ZNF407: variants seen among roughly 807,000 people sequenced by gnomAD.
The protein encoded by ZNF407 is zinc finger protein 407.
ZNF407 carries 17 observed loss-of-function variants against 131.2 expected under a neutral mutation model. The observed-to-expected ratio is 0.13, with a 90% CI of 0.09 to 0.19. The LOEUF (loss-of-function observed/expected upper bound fraction) is 0.19. Among genes scored for constraint, ZNF407 ranks in the 10% least tolerant of loss-of-function variants. ZNF407 has a pLI of 1.00. For missense variants in ZNF407, 2,681 were observed against 2,830.6 expected (o/e 0.95, Z 1.20); for synonymous variants, 1,156 against 1,062.0 (o/e 1.09, Z -1.72).
chr18:75,002,135 A>G (rs540924702), intron 8 of ZNF407, among the ~76,000 whole-genome samples: 5 of 151,968 alleles, frequency 3.3e-5, no homozygotes, highest in Non-Finnish European at 7.4e-5. Context: ...CCTTCTTCCC[A>G]TTTTTCTCCT....
chr18:75,065,322 A>G lies in ZNF407; in HGVS notation c.*854A>G, dbSNP rs951379039. ...TGCTTTTTATAACAAGGGTTTGTTC[A>G]TATTGATGCCATTTTTGCAGGATTT... On this transcript the variant is annotated 3_prime_UTR_variant, in exon 9 of 9. Coordinates refer to ENST00000299687, the MANE Select transcript of ZNF407 (RefSeq NM_017757.3). 6.6e-6 allele frequency: 1 copy of G among 152,202 alleles called. No homozygotes were observed. The highest frequency in any genetic ancestry group is 1.5e-5 in the Non-Finnish European group (1 of 68,034). The allele number at this position is 152,202 out of a possible 1,614,324, so 9.4% of individuals were successfully genotyped here. A position where few individuals can be genotyped will look rare whatever the true frequency, so the allele number is the denominator to read the frequency against.
intron 8 of ZNF407, among the ~76,000 whole-genome samples, chr18:75,001,173 G>A (rs1972841208): frequency 6.6e-6 from 1 of 152,248 alleles, no homozygotes; most frequent in African/African-American, 2.4e-5. Context: ...GCACAGACTG[G>A]GGAAAATGGG....
At chr18:74,915,321 AGTGTGTGTGTGTGT>A (rs5826357) in intron 7 of ZNF407, among the ~76,000 whole-genome samples, 7 of 133,180 alleles carry the variant, frequency 5.3e-5, no homozygotes, top group Middle Eastern at 4.0e-3. Flanking sequence ...TCGAATCGGG[AGTGTGTGTGTGTGT>A]GTGTGTGTGT....
At chr18:74,841,112 A>T (rs1017939956) in intron 4 of ZNF407, among the ~76,000 whole-genome samples, 2 of 152,206 alleles carry the variant, frequency 1.3e-5, no homozygotes, top group African/African-American at 4.8e-5. Context: ...CCCCCTCTTC[A>T]GTGCCCTTTA....
chr18:75,050,221 A>G (rs979609737), intron 8 of ZNF407, among the ~76,000 whole-genome samples: 1 of 152,196 alleles, frequency 6.6e-6, no homozygotes, highest in Non-Finnish European at 1.5e-5. Context: ...TACTGTTAAT[A>G]TATTGAGCCC....
rs544315529 is a variant in ZNF407 at position 74,629,778 on chromosome 18, T to C, written c.-53-1189T>C. ...TTTATTAACGTGGAATCAAGTGGCA[T>C]TTGGCTGAACATTCCCATCATGGTG... On this transcript the variant is annotated intron_variant, in intron 1 of 8. Transcript: ENST00000299687. Among the ~76,000 whole-genome samples, 7 of 152,336 alleles carry C rather than the reference T, an allele frequency of 4.6e-5. No individual in the cohort carries two copies. The South Asian group carries it at 6.2e-4, about 14-fold the overall frequency.
intron 3 of ZNF407, among the ~76,000 whole-genome samples, chr18:74,698,003 C>T (rs1967398647): frequency 6.6e-6 from 1 of 152,186 alleles, no homozygotes; most frequent in Admixed American, 6.5e-5. Flanking sequence ...GTTTTTAAAT[C>T]AGTGGCAACA....
At chr18:74,983,062 A>G (rs1297771067) in intron 8 of ZNF407, among the ~76,000 whole-genome samples, 2 of 152,254 alleles carry the variant, frequency 1.3e-5, no homozygotes, top group African/African-American at 2.4e-5. Flanking sequence ...AACCAAGCCA[A>G]CTAGTTATGC....
In ZNF407 at chr18:74,646,163, A is replaced by G. The variant is rs1261538747; in HGVS notation, c.4802+5041A>G. On this transcript the variant is annotated intron_variant, in intron 3 of 8. Transcript: ENST00000299687. ...AATTGTAGGCAGCAGGAATAAATTA[A>G]AATCACTATTTTTAGTCTGCTGTGA... Among the ~76,000 whole-genome samples, 3 of 152,226 alleles carry G rather than the reference A, an allele frequency of 2.0e-5. No individual in the cohort carries two copies. In the East Asian group the frequency reaches 5.8e-4, roughly 29 times the overall value.
At chr18:75,021,917 T>A (rs993431813) in intron 8 of ZNF407, among the ~76,000 whole-genome samples, 3 of 151,908 alleles carry the variant, frequency 2.0e-5, no homozygotes, top group Non-Finnish European at 4.4e-5. Context: ...ACTGAGAAAG[T>A]ATTTTGTCCT....
At chr18:74,841,090 T>C (rs1165542551) in intron 4 of ZNF407, among the ~76,000 whole-genome samples, 3 of 152,236 alleles carry the variant, frequency 2.0e-5, no homozygotes, top group African/African-American at 7.2e-5. Flanking sequence ...GCTGGGCTCT[T>C]CGCAAGGCGT....
intron 3 of ZNF407, among the ~76,000 whole-genome samples, chr18:74,692,962 T>C (rs1350567880): frequency 2.0e-5 from 3 of 152,228 alleles, no homozygotes; most frequent in Non-Finnish European, 4.4e-5. Context: ...AGAGGTGGAT[T>C]ATCTCAGTTT....
chr18:74,898,651 T>C (rs1015960021), intron 7 of ZNF407, among the ~76,000 whole-genome samples: 3 of 152,244 alleles, frequency 2.0e-5, no homozygotes, highest in African/African-American at 7.2e-5. Flanking sequence ...TTTGTATCTT[T>C]AATATTAGCT....
rs368098202 is a variant in ZNF407, at chr18:74,841,598, A to G, written c.4878-35599A>G. Among the ~76,000 whole-genome samples the G allele has an allele frequency of 1.1e-3, 172 of 152,346 alleles. 5 individuals are homozygous for G. In the South Asian group the frequency reaches 0.035, roughly 31 times the overall value. ...GTGCCCACCACAGTGACTGCTACGTAAAAGGCCCTTAGTGAATAAATGAAT... is the reference window on the plus strand; with the variant it reads ...GTGCCCACCACAGTGACTGCTACGTGAAAGGCCCTTAGTGAATAAATGAAT... On this transcript the variant is annotated intron_variant, in intron 4 of 8. Transcript: ENST00000299687.
At position 74,910,270 on chromosome 18, in the gene ZNF407, T is replaced by A. The variant is rs1971651284; in HGVS notation, c.5250-10244T>A. Reference sequence around the variant, plus strand: ...AAACATGAGTTGTAAAAGCAGTAGTTCCAAAGTAATACGTTATTTTAAAAT... The same window carrying A: ...AAACATGAGTTGTAAAAGCAGTAGTACCAAAGTAATACGTTATTTTAAAAT... On this transcript the variant is annotated intron_variant, in intron 7 of 8. Coordinates refer to ENST00000299687, the MANE Select transcript of ZNF407 (RefSeq NM_017757.3). 2.6e-5 allele frequency among the ~76,000 whole-genome samples: 4 copies of A among 152,262 alleles called. No individual in the cohort carries two copies. The South Asian group carries it at 8.3e-4, about 32-fold the overall frequency.
intron 7 of ZNF407, among the ~76,000 whole-genome samples, chr18:74,911,661 C>G (rs1420885707): frequency 6.6e-6 from 1 of 152,120 alleles, no homozygotes; most frequent in Non-Finnish European, 1.5e-5. Flanking sequence ...TTAGCCTCCC[C>G]CTTCAGCTAA....
chr18:74,799,304 C>A (rs112738934), intron 4 of ZNF407, among the ~76,000 whole-genome samples: 1 of 152,166 alleles, frequency 6.6e-6, no homozygotes, highest in East Asian at 1.9e-4. Context: ...AACTGTTTCC[C>A]ATAGGACAGA....
intron 3 of ZNF407, among the ~76,000 whole-genome samples, chr18:74,641,465 G>T (rs1354286662): frequency 6.6e-6 from 1 of 152,148 alleles, no homozygotes; most frequent in Middle Eastern, 3.4e-3. Flanking sequence ...GAATGTATAT[G>T]TATTTTTTTT....
At chr18:74,603,143 A>C (rs575020149) in intron 1 of ZNF407, among the ~76,000 whole-genome samples, 1 of 152,300 alleles carries the variant, frequency 6.6e-6, no homozygotes, top group South Asian at 2.1e-4. Flanking sequence ...AGGTTCATGC[A>C]TTTGGTCATG....
Sources: gnomAD v4.1 joint callset for allele counts (sites outside exome capture counted in the v4.1 genomes callset) on GRCh38, gnomAD v4.1.1 for gene constraint, MANE v1.5 for transcripts, NCBI Gene and HGNC (gene_info 2026-07-23, HGNC 2026-07-21) for gene names.